TCF20: variants seen among roughly 807,000 people sequenced by gnomAD.
TCF20 encodes transcription factor 20.
A neutral mutation model predicts 148.6 loss-of-function variants in TCF20; 3 were observed. That is an observed-to-expected ratio of 0.02 (90% CI 0.01 to 0.05). The LOEUF is 0.05. Ranked by LOEUF, TCF20 falls within the 10% of genes least tolerant of loss-of-function variation. The pLI is 1.00. For missense variants in TCF20, 2,350 were observed against 2,429.3 expected (o/e 0.97, Z 0.69); for synonymous variants, 1,049 against 909.5 (o/e 1.15, Z -2.76).
intron 3 of TCF20, among the ~76,000 whole-genome samples, chr22:42,176,616 T>C (rs1392976202): frequency 6.6e-6 from 1 of 152,240 alleles, no homozygotes; most frequent in South Asian, 2.1e-4. Flanking sequence ...TGCTACTTGC[T>C]GCCTTCTCTC....
At chr22:42,170,777 C>G (rs1936089789) in intron 3 of TCF20, among the ~76,000 whole-genome samples, 1 of 151,970 alleles carries the variant, frequency 6.6e-6, no homozygotes, top group South Asian at 2.1e-4. Flanking sequence ...TTTTAAAAAT[C>G]CTTGATTCTA....
intron 1 of TCF20, among the ~76,000 whole-genome samples, chr22:42,314,848 G>A (rs1359465491): frequency 2.2e-4 from 33 of 152,138 alleles, no homozygotes; most frequent in Admixed American, 2.2e-3. Context: ...GAAAACCTGG[G>A]CTCCAGAACC....
intron 1 of TCF20, among the ~76,000 whole-genome samples, chr22:42,308,320 T>C (rs1039186141): frequency 3.9e-5 from 6 of 152,098 alleles, no homozygotes; most frequent in Non-Finnish European, 7.4e-5. Flanking sequence ...CCTAGAGGTT[T>C]GGAGGCGCTT....
At chr22:42,285,644 T>G (rs1283819442), upstream of TCF20, among the ~76,000 whole-genome samples, 2 of 152,190 alleles carry the variant, frequency 1.3e-5, no homozygotes, top group African/African-American at 2.4e-5. This position sits in a 1 kb window ranked among gnomAD's most constrained non-coding sequence, Gnocchi z 4.2. Context: ...ATTATTATTT[T>G]ATTTTTTTTG....
At chr22:42,241,164 T>C (rs1924366896) in intron 1 of TCF20, among the ~76,000 whole-genome samples, 1 of 152,200 alleles carries the variant, frequency 6.6e-6, no homozygotes, top group African/African-American at 2.4e-5. Flanking sequence ...GGGCTTCAAC[T>C]TGTATTAAAA....
intron 1 of TCF20, among the ~76,000 whole-genome samples, chr22:42,257,730 T>C (rs541277486): frequency 6.6e-6 from 1 of 152,312 alleles, no homozygotes; most frequent in African/African-American, 2.4e-5. Context: ...ATAAGAGAGA[T>C]GATGAGCTGC....
Position 42,214,493 on chromosome 22 carries a change from C to T in TCF20, c.813G>A (p.Gln271=), listed in dbSNP as rs746830992. 2 of 1,614,186 alleles carry T rather than the reference C, an allele frequency of 1.2e-6. No individual in the cohort carries two copies. The highest frequency in any genetic ancestry group is 1.7e-5 in the Admixed American group (1 of 60,020). ...TAGAACCCACATTGTGTCCTTCATA[C>T]TGAGATCCAGCATTCACATTGTAAC... ...DGSYNVNAGS[Q]YEGHNVGSNA... The change falls in exon 2 of 6, where the codon CAG becomes CAA. Residue 271 remains glutamine (Q), a synonymous_variant. Transcript: ENST00000677622.
chr22:42,160,609 T>C lies in TCF20; in HGVS notation c.*794A>G, dbSNP rs1569088151. On this transcript the variant is annotated 3_prime_UTR_variant, in exon 6 of 6. Coordinates refer to ENST00000677622, the MANE Select transcript of TCF20 (RefSeq NM_001378418.1). ...CAGGACACAGCTATGACCTCAGGCATCTGCCAATTTCACCCCCAAAAAGAA... is the reference window on the plus strand; with the variant it reads ...CAGGACACAGCTATGACCTCAGGCACCTGCCAATTTCACCCCCAAAAAGAA... The C allele has an allele frequency of 6.6e-6, 1 of 151,334 alleles. No individual in the cohort carries two copies. Among genetic ancestry groups the C allele is most frequent in the Non-Finnish European group, 1.5e-5 (1 of 67,828 alleles). 9.4% of individuals were successfully genotyped at this position (151,334 alleles called of 1,614,324 possible).
intron 1 of TCF20, among the ~76,000 whole-genome samples, chr22:42,225,620 CAAAAAAA>C (rs57952215): frequency 2.0e-4 from 15 of 74,808 alleles, no homozygotes; most frequent in African/African-American, 6.1e-4. Context: ...GACTCCGTCT[CAAAAAAA>C]AAAAAAAAAA....
rs1316215291 is a variant in TCF20 at position 42,214,657 on chromosome 22, G to A, written c.649C>T (p.Leu217=). 1.9e-6 allele frequency: 3 copies of A among 1,614,070 alleles called. No individual in the cohort carries two copies. In the African/African-American group the frequency reaches 4.0e-5, roughly 22 times the overall value. The part of the protein sequence containing the change: ...HLQPMQRPST[L]PSSAAGYQLR... ...TGGTAACCAGCAGCAGAGGATGGCA[G>A]AGTTGAGGGCCGCTGCATTGGCTGT... Residue 217 remains leucine (L), a synonymous_variant, in exon 2 of 6, where the codon CTG becomes TTG. Coordinates refer to ENST00000677622, the MANE Select transcript of TCF20 (RefSeq NM_001378418.1).
intron 5 of TCF20, among the ~76,000 whole-genome samples, chr22:42,166,128 T>C (rs775100283): frequency 6.6e-6 from 1 of 152,232 alleles, no homozygotes; most frequent in Non-Finnish European, 1.5e-5. Flanking sequence ...GGAAAAGCTA[T>C]ATGCCTTGTG....
At position 42,299,108 on chromosome 22, in the gene TCF20, C is replaced by T. The variant is rs895522919; in HGVS notation, c.-37+44371G>A. On this transcript the variant is annotated intron_variant, in intron 1 of 1. Coordinates refer to the TCF20 transcript ENST00000515426. The surrounding 1 kb of genome is among the most constrained non-coding windows in gnomAD (Gnocchi z 4.1). ...CCCAGACCCCTGCTGTGGAGGGGAA[C>T]GGAGACCTGGAGGGGTACCCCCAAA... Among the ~76,000 whole-genome samples the T allele has an allele frequency of 4.6e-5, 7 of 152,176 alleles. No homozygotes were observed. Among genetic ancestry groups the T allele is most frequent in the East Asian group, 1.9e-4 (1 of 5,182 alleles).
chr22:42,305,257 A>G (rs1281622146), intron 1 of TCF20, among the ~76,000 whole-genome samples: 1 of 152,068 alleles, frequency 6.6e-6, no homozygotes, highest in Non-Finnish European at 1.5e-5. Context: ...CCTAATTCAT[A>G]CTAGGCAGTG....
chr22:42,343,485 G>C (rs1403114466), exon 1 of TCF20: 1 of 150,026 alleles, frequency 6.7e-6, no homozygotes, highest in African/African-American at 2.4e-5. Context: ...TTACCCTGGC[G>C]GCCGGAGGGC....
At chr22:42,187,196 C>T (rs1937085569) in intron 2 of TCF20, among the ~76,000 whole-genome samples, 1 of 152,222 alleles carries the variant, frequency 6.6e-6, no homozygotes, top group African/African-American at 2.4e-5. Flanking sequence ...TTCCTTACAA[C>T]ACACTTAGGG....
Position 42,168,636 on chromosome 22 carries a change from C to G in TCF20, c.*17G>C. ...GTGCTTGCTGTCCTTTCCATTCCCA[C>G]GAGCACACTGCCCCCCTCACCCCCG... is the stretch of plus-strand genomic sequence containing the variant. On this transcript the variant is annotated 3_prime_UTR_variant, in exon 5 of 6. Transcript: ENST00000677622. 6.3e-7 allele frequency: 1 copy of G among 1,592,720 alleles called. No individual in the cohort carries two copies. The highest frequency in any genetic ancestry group is 8.6e-7 in the Non-Finnish European group (1 of 1,169,438).
intron 1 of TCF20, among the ~76,000 whole-genome samples, chr22:42,254,211 G>T (rs1208341905): frequency 6.6e-6 from 1 of 151,832 alleles, no homozygotes; most frequent in African/African-American, 2.4e-5. Context: ...CACTGTTCTA[G>T]ATGCTGGGAA....
chr22:42,341,483 A>G (rs531946127), intron 1 of TCF20, among the ~76,000 whole-genome samples: 1 of 152,188 alleles, frequency 6.6e-6, no homozygotes, highest in Admixed American at 6.5e-5. Context: ...CCAGGTGGGT[A>G]AGGACCTGGG....
intron 3 of TCF20, among the ~76,000 whole-genome samples, chr22:42,178,973 T>C (rs953410255): frequency 1.4e-4 from 20 of 147,290 alleles, no homozygotes; most frequent in South Asian, 4.3e-4. Context: ...ACATTAGCCA[T>C]CAGGGAAATA....
Sources: gnomAD v4.1 joint callset for allele counts (sites outside exome capture counted in the v4.1 genomes callset) on GRCh38, gnomAD v4.1.1 for gene constraint, Gnocchi (gnomAD v3.1) non-coding constraint, MANE v1.5 for transcripts, NCBI Gene and HGNC (gene_info 2026-07-23, HGNC 2026-07-21) for gene names.